PCDHA2: variants seen among roughly 807,000 people sequenced by gnomAD.
PCDHA2 encodes the protein protocadherin alpha 2.
In PCDHA2, 58 loss-of-function variants were observed where a neutral mutation model predicts 66.0. The observed-to-expected ratio is 0.88, with a 90% CI of 0.71 to 1.09. The LOEUF is 1.09. Ranked by LOEUF, PCDHA2 falls within the 50% of genes least tolerant of loss-of-function variation. The pLI is 0.00. For synonymous variants in PCDHA2, 634 were observed against 554.0 expected (o/e 1.14, Z -2.03); for missense variants, 1,267 against 1,242.3 (o/e 1.02, Z -0.30).
chr5:140,863,399 A>G, intron 1 of PCDHA2: 2 of 871,986 alleles, frequency 2.3e-6, no homozygotes, highest in Non-Finnish European at 3.6e-6. Context: ...ATGCCGGGCA[A>G]GCCCACGCTG....
chr5:140,802,635 C>T (rs527490380), intron 1 of PCDHA2: 137 of 1,613,810 alleles, frequency 8.5e-5, no homozygotes, highest in Non-Finnish European at 1.1e-4. Flanking sequence ...GGTGTCTGCG[C>T]GGGACGCGGA....
chr5:140,824,284 T>C lies in PCDHA2; in HGVS notation c.2388+26932T>C, dbSNP rs1581808951. ...TAATTCATGTATTATATGCTTTTTA[T>C]GAGGCTTTTCTGCTGGGGTAATAGA... On this transcript the variant is annotated intron_variant, in intron 1 of 3. Transcript: ENST00000526136. The C allele has an allele frequency of 6.5e-6, 7 of 1,072,766 alleles. No homozygotes were observed. The East Asian group carries it at 9.5e-5, about 15-fold the overall frequency. 66.5% of individuals were successfully genotyped at this position (1,072,766 alleles called of 1,614,324 possible). A position where few individuals can be genotyped will look rare whatever the true frequency, so the allele number is the denominator to read the frequency against.
Position 140,843,346 on chromosome 5 carries a change from TC to T in PCDHA2, c.2388+45996del, listed in dbSNP as rs1554139985. 10 of 1,595,966 alleles carry T rather than the reference TC, an allele frequency of 6.3e-6. 1 individual carries two copies. In the Middle Eastern group the frequency reaches 5.0e-4, roughly 80 times the overall value. On this transcript the variant is annotated intron_variant, in intron 1 of 3. Coordinates refer to ENST00000526136, the MANE Select transcript of PCDHA2 (RefSeq NM_018905.3). ...TGTCGCTGGTGGAGAGCGGCCAGGC[TC>T]CAAAAGCGTCATCGAGGCAGTCGGC... is the stretch of plus-strand genomic sequence containing the variant.
intron 1 of PCDHA2, chr5:140,870,556 G>A (rs782048917): frequency 8.1e-6 from 13 of 1,614,038 alleles, no homozygotes; most frequent in Middle Eastern, 1.7e-4. Flanking sequence ...GGACGCGCAG[G>A]AGAACGCGCT....
chr5:140,989,128 G>A (rs2097330831), intron 3 of PCDHA2: 1 of 152,178 alleles, frequency 6.6e-6, no homozygotes, highest in Non-Finnish European at 1.5e-5. Flanking sequence ...AGAAAAATAA[G>A]ACACTTTATC....
At chr5:140,876,493 C>G in intron 1 of PCDHA2, 1 of 1,614,008 alleles carries the variant, frequency 6.2e-7, no homozygotes, top group South Asian at 1.1e-5. Flanking sequence ...GGTGGAAGTT[C>G]TGGACGTGAA....
At chr5:140,830,385 C>A (rs2150185884) in intron 1 of PCDHA2, 12 of 1,614,120 alleles carry the variant, frequency 7.4e-6, no homozygotes, top group Non-Finnish European at 1.0e-5. Context: ...GAGGGCCCAC[C>A]CAAGATGGAT....
chr5:140,830,006 G>C, intron 1 of PCDHA2: 1 of 1,613,960 alleles, frequency 6.2e-7, no homozygotes, highest in Non-Finnish European at 8.5e-7. Context: ...TGTCCTGGAC[G>C]AAGCGGACTC....
intron 1 of PCDHA2, chr5:140,801,501 T>C (rs1554121521): frequency 1.9e-6 from 3 of 1,614,072 alleles, no homozygotes; most frequent in Admixed American, 3.3e-5. Flanking sequence ...GAGCGCGGAG[T>C]GCAGCATCCA....
chr5:140,863,354 T>C, intron 1 of PCDHA2: 1 of 1,283,244 alleles, frequency 7.8e-7, no homozygotes, highest in Non-Finnish European at 1.1e-6. Flanking sequence ...TACACGACGC[T>C]GCGGTGCTTG....
intron 1 of PCDHA2, chr5:140,857,699 C>G: frequency 6.3e-7 from 1 of 1,597,158 alleles, no homozygotes; most frequent in South Asian, 1.1e-5. Context: ...CTTGACGCTG[C>G]AGGTGTTCGT....
At chr5:140,895,935 C>T (rs922054631) in intron 1 of PCDHA2, among the ~76,000 whole-genome samples, 20 of 152,028 alleles carry the variant, frequency 1.3e-4, no homozygotes, top group African/African-American at 4.1e-4. Flanking sequence ...CTCAGCCTCC[C>T]GAGTAGCTGG....
intron 2 of PCDHA2, among the ~76,000 whole-genome samples, chr5:140,980,402 T>G (rs1019891422): frequency 2.0e-5 from 3 of 152,020 alleles, no homozygotes; most frequent in African/African-American, 7.2e-5. Context: ...GAGGCCGAGG[T>G]GGGCAGATCA....
At chr5:140,828,682 G>T (rs1562298994) in intron 1 of PCDHA2, 1 of 1,614,236 alleles carries the variant, frequency 6.2e-7, no homozygotes, top group Non-Finnish European at 8.5e-7. Context: ...TCTTATTAAA[G>T]AAATCCTTGG....
At chr5:140,876,843 G>A (rs1554169011) in intron 1 of PCDHA2, 3 of 1,614,128 alleles carry the variant, frequency 1.9e-6, no homozygotes, top group East Asian at 2.2e-5. Flanking sequence ...CGTTCGCGCA[G>A]CCCGAGTACA....
At chr5:140,828,738 A>C in intron 1 of PCDHA2, 1 of 1,614,242 alleles carries the variant, frequency 6.2e-7, no homozygotes, top group Non-Finnish European at 8.5e-7. Flanking sequence ...ACAGCCACAG[A>C]TGGGGGCAAA....
At chr5:140,828,805 T>G in intron 1 of PCDHA2, 1 of 1,614,212 alleles carries the variant, frequency 6.2e-7, no homozygotes, top group Non-Finnish European at 8.5e-7. Context: ...TGAATGATAA[T>G]GCTCCCACTT....
At chr5:140,800,701 G>A (rs1325729256) in intron 1 of PCDHA2, among the ~76,000 whole-genome samples, 3 of 152,214 alleles carry the variant, frequency 2.0e-5, no homozygotes, top group African/African-American at 4.8e-5. Context: ...TCAGAGGATT[G>A]TGATAATTTA....
intron 1 of PCDHA2, among the ~76,000 whole-genome samples, chr5:140,922,582 G>T (rs548638056): frequency 6.6e-5 from 10 of 152,160 alleles, no homozygotes; most frequent in Non-Finnish European, 1.5e-4. Flanking sequence ...CCCTGTAGCC[G>T]CCAGTTCTCA....
Sources: gnomAD v4.1 joint callset for allele counts (sites outside exome capture counted in the v4.1 genomes callset) on GRCh38, gnomAD v4.1.1 for gene constraint, MANE v1.5 for transcripts, NCBI Gene and HGNC (gene_info 2026-07-23, HGNC 2026-07-21) for gene names.